Variants in SUMF1 observed in about 807,000 individuals in gnomAD.
The protein encoded by SUMF1 is sulfatase modifying factor 1.
SUMF1 carries 48 observed loss-of-function variants against 47.6 expected under a neutral mutation model. The ratio of observed to expected loss-of-function variants is 1.01; its 90% CI spans 0.80 to 1.28. The LOEUF (loss-of-function observed/expected upper bound fraction) is 1.28, where lower values mean the gene tolerates loss of function less well. Among genes scored for constraint, SUMF1 ranks in the 50% most tolerant of loss-of-function variants. The pLI is 0.00. For synonymous variants in SUMF1, 230 were observed against 192.1 expected (o/e 1.20, Z -1.63); for missense variants, 571 against 485.4 (o/e 1.18, Z -1.66).
intron 7 of SUMF1, among the ~76,000 whole-genome samples, chr3:4,410,322 G>T (rs949393104): frequency 1.3e-4 from 20 of 152,130 alleles, no homozygotes; most frequent in Non-Finnish European, 2.2e-4. Context: ...GTTGCCTTCT[G>T]TTCCTAAGTT....
chr3:4,289,309 T>C (rs967418585), intron 8 of SUMF1, among the ~76,000 whole-genome samples: 7 of 152,110 alleles, frequency 4.6e-5, no homozygotes, highest in African/African-American at 1.7e-4. Context: ...CCAAAATAAA[T>C]CCTGTATTTC....
intron 8 of SUMF1, among the ~76,000 whole-genome samples, chr3:4,114,078 G>T (rs1043570115): frequency 6.6e-6 from 1 of 151,920 alleles, no homozygotes; most frequent in Non-Finnish European, 1.5e-5. Context: ...TAATTTCTTG[G>T]GTAGAAGGTG....
At chr3:4,188,639 G>A (rs1695252887) in intron 8 of SUMF1, among the ~76,000 whole-genome samples, 1 of 152,064 alleles carries the variant, frequency 6.6e-6, no homozygotes, top group Non-Finnish European at 1.5e-5. Flanking sequence ...GAGTGCAGCT[G>A]GGAGACAAAC....
At chr3:4,155,989 A>C (rs918993585) in intron 8 of SUMF1, among the ~76,000 whole-genome samples, 3 of 151,430 alleles carry the variant, frequency 2.0e-5, no homozygotes, top group Non-Finnish European at 4.4e-5. Context: ...AGCTGGGCCC[A>C]GCAGTCTAGT....
intron 8 of SUMF1, among the ~76,000 whole-genome samples, chr3:4,247,217 C>T (rs1483709557): frequency 6.6e-6 from 1 of 152,178 alleles, no homozygotes; most frequent in African/African-American, 2.4e-5. Context: ...AATTAATTCA[C>T]TATGCAACTT....
rs567481109 is a variant in SUMF1 at position 4,123,257 on chromosome 3, G to A, written c.1015-54512C>T. Among the ~76,000 whole-genome samples, 9 of 152,162 alleles carry A rather than the reference G, an allele frequency of 5.9e-5. No individual in the cohort carries two copies. In the South Asian group the frequency reaches 1.2e-3, roughly 21 times the overall value. ...GAACTAAATCTTCAGCATGAGGACC[G>A]GTGTGTGGGAGTGATACCACAGCAC... On this transcript the variant is annotated intron_variant and NMD_transcript_variant, in intron 8 of 12. Transcript: ENST00000448413.
chr3:4,041,456 C>G (rs960674043), intron 9 of SUMF1, among the ~76,000 whole-genome samples: 2 of 152,184 alleles, frequency 1.3e-5, no homozygotes, highest in East Asian at 3.8e-4. Flanking sequence ...CTTTTGTAGA[C>G]AATACCCTTC....
chr3:4,176,989 C>T (rs1176833939), intron 8 of SUMF1, among the ~76,000 whole-genome samples: 2 of 152,172 alleles, frequency 1.3e-5, no homozygotes, highest in African/African-American at 4.8e-5. Context: ...GAAGAGCTAA[C>T]TATCCTAAAT....
chr3:4,409,283 A>T (rs1701467678), intron 7 of SUMF1, among the ~76,000 whole-genome samples: 1 of 152,230 alleles, frequency 6.6e-6, no homozygotes, highest in African/African-American at 2.4e-5. Context: ...CTGTTAAATT[A>T]TATCCCAGTC....
chr3:4,412,908 G>A (rs1421229603), intron 6 of SUMF1, among the ~76,000 whole-genome samples: 2 of 152,094 alleles, frequency 1.3e-5, no homozygotes, highest in Non-Finnish European at 2.9e-5. Context: ...AACAAAAACA[G>A]ATGAAACAAA....
chr3:4,062,366 A>T (rs1303894848), intron 9 of SUMF1, among the ~76,000 whole-genome samples: 1 of 152,176 alleles, frequency 6.6e-6, no homozygotes, highest in Admixed American at 6.5e-5. Flanking sequence ...AACCTTCTTC[A>T]CACTGCTACT....
chr3:4,311,892 A>T (rs905943001), intron 8 of SUMF1, among the ~76,000 whole-genome samples: 1 of 152,248 alleles, frequency 6.6e-6, no homozygotes, highest in Non-Finnish European at 1.5e-5. Context: ...CATGAGAGAT[A>T]CTTTAATCTG....
chr3:4,100,571 A>G (rs1693009692), intron 8 of SUMF1, among the ~76,000 whole-genome samples: 1 of 151,998 alleles, frequency 6.6e-6, no homozygotes, highest in Non-Finnish European at 1.5e-5. Flanking sequence ...CTATAAAACT[A>G]CCAGAAGAAA....
intron 8 of SUMF1, chr3:4,303,809 A>T (rs1698059414): frequency 7.2e-7 from 1 of 1,391,682 alleles, no homozygotes; most frequent in African/African-American, 1.5e-5. Flanking sequence ...TGTCCTCAGA[A>T]CTCAAGGAGG....
chr3:4,355,989 T>C (rs529956041), intron 8 of SUMF1, among the ~76,000 whole-genome samples: 6 of 152,338 alleles, frequency 3.9e-5, no homozygotes, highest in Non-Finnish European at 8.8e-5. Flanking sequence ...GCATTTCTCA[T>C]TTTACAGCCT....
chr3:4,168,570 T>C (rs1694762805), intron 8 of SUMF1, among the ~76,000 whole-genome samples: 1 of 152,216 alleles, frequency 6.6e-6, no homozygotes, highest in Non-Finnish European at 1.5e-5. Flanking sequence ...ATGGGCTTCC[T>C]CTTCACTTAC....
At chr3:4,154,303 G>A (rs546294147) in intron 8 of SUMF1, among the ~76,000 whole-genome samples, 2 of 151,378 alleles carry the variant, frequency 1.3e-5, no homozygotes, top group South Asian at 2.1e-4. Flanking sequence ...TCTAATCCTG[G>A]GGAAACTAAC....
intron 8 of SUMF1, among the ~76,000 whole-genome samples, chr3:4,077,711 C>T (rs955404478): frequency 1.1e-4 from 17 of 151,936 alleles, no homozygotes; most frequent in Non-Finnish European, 2.5e-4. Context: ...ATGTAAATGT[C>T]GAGTTCATGG....
chr3:4,305,846 A>T (rs1698168678), intron 8 of SUMF1, among the ~76,000 whole-genome samples: 1 of 152,200 alleles, frequency 6.6e-6, no homozygotes, highest in Admixed American at 6.5e-5. Flanking sequence ...AATGTCAGAA[A>T]TTATTATTGT....
Sources: gnomAD v4.1 joint callset for allele counts (sites outside exome capture counted in the v4.1 genomes callset) on GRCh38, gnomAD v4.1.1 for gene constraint, MANE v1.5 for transcripts, NCBI Gene and HGNC (gene_info 2026-07-23, HGNC 2026-07-21) for gene names.